The following DHX32 variants were observed in gnomAD, a reference collection of about 807,000 sequenced individuals.
DHX32 encodes putative pre-mRNA-splicing factor ATP-dependent RNA helicase DHX32.
Under a neutral mutation model 70.0 loss-of-function variants are expected in DHX32, and 51 were observed. That is an observed-to-expected ratio of 0.73 (90% CI 0.58 to 0.92). The LOEUF is 0.92. Among genes scored for constraint, DHX32 ranks in the 40% least tolerant of loss-of-function variants. DHX32 has a pLI of 0.00. For synonymous variants in DHX32, 310 were observed against 315.3 expected (o/e 0.98, Z 0.18); for missense variants, 762 against 891.8 (o/e 0.85, Z 1.85).
intron 1 of DHX32, chr10:125,890,536 A>C (rs79077735): frequency 4.8e-5 from 3 of 62,742 alleles, no homozygotes; most frequent in Non-Finnish European, 1.1e-4. Flanking sequence ...AGCTTTTTAA[A>C]AATAAAAAAG....
In DHX32 at chr10:125,854,048, T is replaced by C. The variant is rs768666993; in HGVS notation, c.1005A>G (p.Arg335=). Residue 335 remains arginine (R), a synonymous_variant, in exon 4 of 11, where the codon AGA becomes AGG. Transcript: ENST00000284690. ...TEKRCQVYQR[R]VVLTTSSGEF... is the part of the protein sequence containing the mutation. ...CTCCAGAGCTAGTAGTTAACACCAC[T>C]CTTCTTTGATAAACTTGGCATCTTT... The C allele has an allele frequency of 6.2e-7, 1 of 1,614,098 alleles. No homozygotes were observed. Among genetic ancestry groups the C allele is most frequent in the South Asian group, 1.1e-5 (1 of 91,080 alleles).
chr10:125,839,486 C>T (rs973033140), intron 8 of DHX32, among the ~76,000 whole-genome samples: 14 of 152,224 alleles, frequency 9.2e-5, no homozygotes, highest in African/African-American at 3.1e-4. Flanking sequence ...ATGTATTTCA[C>T]TAACCCGTGG....
At chr10:125,843,741 A>G (rs944188273) in intron 6 of DHX32, among the ~76,000 whole-genome samples, 4 of 152,186 alleles carry the variant, frequency 2.6e-5, no homozygotes, top group Non-Finnish European at 5.9e-5. Context: ...GATGCAGCCT[A>G]CCACACCTCC....
chr10:125,859,496 C>G, intron 3 of DHX32, 107 bp downstream of exon 3: 1 of 1,287,098 alleles, frequency 7.8e-7, no homozygotes, highest in East Asian at 2.4e-5. Flanking sequence ...GTGATGAAAC[C>G]AAATATTTAA....
chr10:125,841,704 G>A (rs372817769), intron 7 of DHX32, 39 bp downstream of exon 7: 3 of 1,592,330 alleles, frequency 1.9e-6, no homozygotes, highest in Non-Finnish European at 1.7e-6. Flanking sequence ...ACCTAGTGCA[G>A]ATTTGCAAAA....
At chr10:125,841,618 G>A in intron 7 of DHX32, 125 bp downstream of exon 7, 1 of 1,466,828 alleles carries the variant, frequency 6.8e-7, no homozygotes, top group South Asian at 1.4e-5. Flanking sequence ...CATTTCAAAA[G>A]GTTAAATGAG....
rs143951588 is a variant in DHX32, at chr10:125,859,700, G to A, written c.752C>T (p.Ala251Val). 211 of 1,613,946 alleles carry A rather than the reference G, an allele frequency of 1.3e-4. No homozygotes were observed. Among genetic ancestry groups the A allele is most frequent in the Non-Finnish European group, 1.6e-4 (192 of 1,179,990 alleles). ...HPVEVVYLSE[A>V]QKDSFESILR... ...AATAGACTCAAAAGAATCCTTTTGA[G>A]CCTCACTAAGGTACACAACCTCCAC... The change falls in exon 3 of 11, where the codon GCT (alanine) becomes GTT (valine). Residue 251 changes from alanine (A) to valine (V), a missense_variant. Coordinates refer to ENST00000284690, the MANE Select transcript of DHX32 (RefSeq NM_018180.3).
chr10:125,883,634 C>G (rs1240287187), upstream of DHX32, among the ~76,000 whole-genome samples: 1 of 152,144 alleles, frequency 6.6e-6, no homozygotes, highest in Non-Finnish European at 1.5e-5. Context: ...CCCATACAAC[C>G]CAAAGTATCA....
chr10:125,850,392 T>G (rs1944075416), intron 6 of DHX32, among the ~76,000 whole-genome samples: 1 of 150,004 alleles, frequency 6.7e-6, no homozygotes, highest in East Asian at 2.0e-4. Context: ...AGTTTTGCTC[T>G]TGTTGCCCAG....
At chr10:125,857,900 AT>A (rs570512404) in intron 3 of DHX32, among the ~76,000 whole-genome samples, 6,024 of 116,248 alleles carry the variant, frequency 0.052, 378 homozygotes, top group African/African-American at 0.17. Flanking sequence ...TTAATTTTTC[AT>A]TTTTTTTTTT....
At chr10:125,884,647 T>C (rs1306773911), upstream of DHX32, among the ~76,000 whole-genome samples, 1 of 152,230 alleles carries the variant, frequency 6.6e-6, no homozygotes. Context: ...TAGTCATTTA[T>C]GTGTTTGGCT....
intron 3 of DHX32, among the ~76,000 whole-genome samples, chr10:125,857,173 G>A (rs1330472241): frequency 6.6e-6 from 1 of 152,192 alleles, no homozygotes; most frequent in Non-Finnish European, 1.5e-5. Context: ...ATCCATAAGA[G>A]ATGAGAATCT....
Position 125,836,461 on chromosome 10 carries a change from G to A in DHX32, c.*226C>T, listed in dbSNP as rs1854688180. 7.1e-7 allele frequency: 1 copy of A among 1,404,220 alleles called. No individual in the cohort carries two copies. The highest frequency in any genetic ancestry group is 3.2e-5 in the Admixed American group (1 of 31,392). 87.0% of individuals were successfully genotyped at this position (1,404,220 alleles called of 1,614,324 possible). ...TAAAATTTTGGTCAAATTATGAGTG[G>A]TTGATTTAAAAACTTTTCCAAGAAG... is the stretch of plus-strand genomic sequence containing the variant. On this transcript the variant is annotated 3_prime_UTR_variant, in exon 11 of 11. Transcript: ENST00000284690.
At chr10:125,841,604 C>T in intron 7 of DHX32, 139 bp downstream of exon 7, 1 of 1,454,306 alleles carries the variant, frequency 6.9e-7, no homozygotes, top group Non-Finnish European at 9.0e-7. Context: ...AAATACCTCA[C>T]TATCATTTCA....
chr10:125,864,409 C>T (rs1341982086), intron 2 of DHX32, among the ~76,000 whole-genome samples: 2 of 152,194 alleles, frequency 1.3e-5, no homozygotes, highest in Non-Finnish European at 2.9e-5. Context: ...CAGCCCACCA[C>T]ACCTGAAGCA....
upstream of DHX32, among the ~76,000 whole-genome samples, chr10:125,882,360 C>G (rs1300436831): frequency 6.6e-6 from 1 of 152,138 alleles, no homozygotes; most frequent in Non-Finnish European, 1.5e-5. Flanking sequence ...AGCCAGTGTG[C>G]TCAACAGCTA....
intron 6 of DHX32, among the ~76,000 whole-genome samples, chr10:125,845,125 C>T (rs1269354645): frequency 6.6e-6 from 1 of 152,190 alleles, no homozygotes; most frequent in African/African-American, 2.4e-5. Flanking sequence ...GAGCACAGGC[C>T]AAGTGGAGTC....
intron 1 of DHX32, among the ~76,000 whole-genome samples, chr10:125,873,066 G>T (rs1944264830): frequency 6.6e-6 from 1 of 152,148 alleles, no homozygotes; most frequent in Admixed American, 6.5e-5. Flanking sequence ...GGTCTTTAGG[G>T]TGGGCTGCAG....
At chr10:125,841,676 G>C in intron 7 of DHX32, 67 bp downstream of exon 7, 1 of 1,558,542 alleles carries the variant, frequency 6.4e-7, no homozygotes, top group South Asian at 1.3e-5. Flanking sequence ...ATTTCAAATG[G>C]ATCCGATCTA....
Sources: gnomAD v4.1 joint callset for allele counts (sites outside exome capture counted in the v4.1 genomes callset) on GRCh38, gnomAD v4.1.1 for gene constraint, MANE v1.5 for transcripts, NCBI Gene and HGNC (gene_info 2026-07-23, HGNC 2026-07-21) for gene names.